Variants in MTM1 observed in about 807,000 individuals in gnomAD.
The protein encoded by MTM1 is myotubularin.
A neutral mutation model predicts 52.1 loss-of-function variants in MTM1; 9 were observed. The ratio of observed to expected loss-of-function variants is 0.17; its 90% CI spans 0.10 to 0.30. The LOEUF is 0.30. MTM1 is among the 10% of genes least tolerant of loss of function. The pLI, the probability that MTM1 is intolerant of heterozygous loss-of-function variation, is 1.00. For missense variants in MTM1, 277 were observed against 470.7 expected, an observed-to-expected ratio of 0.59 and a Z score of 3.81; for synonymous variants, 136 against 163.8, an observed-to-expected ratio of 0.83 and a Z score of 1.29.
At chrX:150,630,252 C>T (rs371466338) in intron 6 of MTM1, among the ~76,000 whole-genome samples, 1 of 111,252 alleles carries the variant, frequency 9.0e-6, no homozygotes, top group Non-Finnish European at 1.9e-5. Context: ...CCACCACACC[C>T]GGCTAATTTT....
At chrX:150,605,496 T>A (rs1247304745) in intron 4 of MTM1, among the ~76,000 whole-genome samples, 3 of 112,889 alleles carry the variant, frequency 2.7e-5, no homozygotes, top group Non-Finnish European at 1.9e-5. Flanking sequence ...AGTGATTCAA[T>A]TCTTCAGGCA....
intron 5 of MTM1, among the ~76,000 whole-genome samples, chrX:150,616,048 A>G (rs1219769207): frequency 9.0e-6 from 1 of 111,199 alleles, no homozygotes; most frequent in Non-Finnish European, 1.9e-5. Flanking sequence ...GACAGTTTTG[A>G]GGTGACTTTC....
chrX:150,604,733 G>A (rs781851487), intron 4 of MTM1, among the ~76,000 whole-genome samples: 9 of 110,724 alleles, frequency 8.1e-5, no homozygotes, highest in East Asian at 2.9e-4. Context: ...CCTGACTTCT[G>A]CATCTCTCCC....
intron 6 of MTM1, among the ~76,000 whole-genome samples, chrX:150,634,429 C>A (rs782421279): frequency 8.9e-6 from 1 of 112,069 alleles, no homozygotes; most frequent in Admixed American, 9.4e-5. Context: ...AGACTTTACC[C>A]CCACAAGTTA....
At chrX:150,577,074 T>C (rs1249073002) in intron 1 of MTM1, among the ~76,000 whole-genome samples, 1 of 112,650 alleles carries the variant, frequency 8.9e-6, no homozygotes, top group Non-Finnish European at 1.9e-5. Flanking sequence ...ATGTGGTATT[T>C]TTGTGGCTGG....
chrX:150,656,070 G>T (rs782230512), intron 10 of MTM1, among the ~76,000 whole-genome samples: 4 of 111,300 alleles, frequency 3.6e-5, no homozygotes, highest in East Asian at 2.8e-4. Flanking sequence ...AAGGTCAAAA[G>T]GTGGATTTCA....
At chrX:150,654,634 C>A (rs186706982) in intron 10 of MTM1, among the ~76,000 whole-genome samples, 4 of 111,107 alleles carry the variant, frequency 3.6e-5, no homozygotes, top group Admixed American at 1.9e-4. Flanking sequence ...TTTGTAGATT[C>A]AAGGGGTAAA....
In MTM1 at chrX:150,641,392, A is replaced by G. The variant is rs1557413856; in HGVS notation, c.652A>G (p.Thr218Ala). The change falls in exon 8 of 15, where the codon ACT (threonine) becomes GCT (alanine). Residue 218 changes from threonine (T) to alanine (A), a missense_variant. Transcript: ENST00000370396. The part of the protein sequence containing the change: ...ASDDDLRRVA[T>A]FRSRNRIPVL... ...AGATGATGACCTCCGGAGAGTTGCA[A>G]CTTTTAGGTCCCGAAATCGAATTCC... The G allele has an allele frequency of 1.7e-6, 2 of 1,211,645 alleles. No individual in the cohort carries two copies.
chrX:150,671,073 A>G (rs1357139991), intron 14 of MTM1, among the ~76,000 whole-genome samples: 2 of 111,916 alleles, frequency 1.8e-5, no homozygotes, highest in Non-Finnish European at 3.8e-5. Flanking sequence ...TCACATGGCA[A>G]CTTGAGAAGA....
chrX:150,650,009 C>G, intron 10 of MTM1, 108 bp downstream of exon 10: 2 of 696,696 alleles, frequency 2.9e-6, no homozygotes, highest in Non-Finnish European at 4.3e-6. Context: ...GAGAGATAAA[C>G]TTTGTAGTAG....
At chrX:150,605,785 A>G (rs1199508837) in intron 4 of MTM1, among the ~76,000 whole-genome samples, 2 of 111,792 alleles carry the variant, frequency 1.8e-5, no homozygotes, top group African/African-American at 3.3e-5. Flanking sequence ...GTGCCATCTA[A>G]GAGCTGGGTG....
At chrX:150,662,777 GTT>G (rs56713795) in intron 13 of MTM1, among the ~76,000 whole-genome samples, 59 of 101,722 alleles carry the variant, frequency 5.8e-4, no homozygotes, top group African/African-American at 1.7e-3. Flanking sequence ...TAGCTTTGAT[GTT>G]TTTTTTTTTT....
intron 1 of MTM1, among the ~76,000 whole-genome samples, chrX:150,585,617 G>T (rs2038772684): frequency 8.9e-6 from 1 of 112,189 alleles, no homozygotes; most frequent in Non-Finnish European, 1.9e-5. Context: ...TCATTGAGCA[G>T]ATCAGCTGGG....
chrX:150,646,015 T>A, intron 9 of MTM1, 144 bp downstream of exon 9: 1 of 554,173 alleles, frequency 1.8e-6, no homozygotes, highest in Non-Finnish European at 3.0e-6. Flanking sequence ...AAAGTAGTTT[T>A]AATCACAAAA....
chrX:150,574,805 G>A (rs1213616635), intron 1 of MTM1, among the ~76,000 whole-genome samples: 7 of 111,899 alleles, frequency 6.3e-5, no homozygotes, highest in African/African-American at 9.8e-5. Context: ...TTAAATAGCC[G>A]CCTCAGTCAT....
intron 4 of MTM1, among the ~76,000 whole-genome samples, chrX:150,608,566 C>T (rs1557412888): frequency 9.0e-6 from 1 of 111,398 alleles, no homozygotes; most frequent in South Asian, 3.8e-4. Context: ...TCGTGTGCAA[C>T]GTGTTTTGAA....
intron 14 of MTM1, among the ~76,000 whole-genome samples, chrX:150,670,472 G>T (rs2040378544): frequency 8.9e-6 from 1 of 112,444 alleles, no homozygotes; most frequent in Admixed American, 9.4e-5. Flanking sequence ...TTGCAGAGCC[G>T]CTATGGCTGT....
chrX:150,576,074 A>C (rs1557411637), intron 1 of MTM1, among the ~76,000 whole-genome samples: 1 of 111,986 alleles, frequency 8.9e-6, no homozygotes, highest in Non-Finnish European at 1.9e-5. Flanking sequence ...GGATAAACTC[A>C]ACAGGGTCAT....
chrX:150,601,687 C>T (rs2039069460), intron 4 of MTM1, among the ~76,000 whole-genome samples: 2 of 112,310 alleles, frequency 1.8e-5, no homozygotes, highest in Non-Finnish European at 3.8e-5. Context: ...CCTAGCCCTC[C>T]TTGCCTGGTC....
Sources: gnomAD v4.1 joint callset for allele counts (sites outside exome capture counted in the v4.1 genomes callset) on GRCh38, gnomAD v4.1.1 for gene constraint, MANE v1.5 for transcripts, NCBI Gene and HGNC (gene_info 2026-07-23, HGNC 2026-07-21) for gene names.